CFAP46: variants seen among roughly 807,000 people sequenced by gnomAD.
CFAP46 encodes cilia- and flagella-associated protein 46.
A neutral mutation model predicts 325.7 loss-of-function variants in CFAP46; 245 were observed. The observed-to-expected ratio is 0.75, with a 90% CI of 0.68 to 0.84. The LOEUF is 0.84. CFAP46 is among the 40% of genes least tolerant of loss of function. The probability of loss-of-function intolerance (pLI) is 0.00; values close to 1 mark genes in which losing one functional copy is unlikely to be tolerated. For synonymous variants in CFAP46, 1,523 were observed against 1,495.9 expected (o/e 1.02, Z -0.42); for missense variants, 3,346 against 3,543.0 (o/e 0.94, Z 1.41).
At position 132,832,457 on chromosome 10, in the gene CFAP46, G is replaced by A. The variant is rs1848165892; in HGVS notation, c.7117+901C>T. ...AAGACCTGGGTGGGCCATGGCGCTC[G>A]CCAGCCAAACCCCCTTCGAGGCCCC... On this transcript the variant is annotated intron_variant, in intron 50 of 57. Coordinates refer to ENST00000368586, the MANE Select transcript of CFAP46 (RefSeq NM_001200049.3). This position sits in a 1 kb window ranked among gnomAD's most constrained non-coding sequence, Gnocchi z 4.1. Among the ~76,000 whole-genome samples the A allele has an allele frequency of 5.4e-5, 8 of 147,328 alleles. No individual in the cohort carries two copies. Among genetic ancestry groups the A allele is most frequent in the Admixed American group, 4.2e-4 (6 of 14,352 alleles).
At chr10:132,881,816 T>C (rs1376070800) in intron 27 of CFAP46, among the ~76,000 whole-genome samples, 1 of 148,056 alleles carries the variant, frequency 6.8e-6, no homozygotes, top group African/African-American at 2.7e-5. Context: ...TCATTTCTGC[T>C]GTCAAATATC....
intron 43 of CFAP46, 62 bp from the exon 44 acceptor site, chr10:132,846,289 C>T: frequency 1.3e-6 from 2 of 1,555,652 alleles, no homozygotes; most frequent in East Asian, 2.3e-5. Flanking sequence ...GCCTTGCACC[C>T]TGCGGAGGGT....
chr10:132,836,939 G>C, intron 44 of CFAP46, 25 bp from the exon 45 acceptor site: 1 of 1,559,160 alleles, frequency 6.4e-7, no homozygotes, highest in Non-Finnish European at 8.8e-7. Flanking sequence ...ACGGCCATCA[G>C]GGGATGCATT....
chr10:132,936,428 A>C (rs1179234454), intron 7 of CFAP46, among the ~76,000 whole-genome samples: 1 of 50,504 alleles, frequency 2.0e-5, no homozygotes, highest in African/African-American at 8.1e-5. Context: ...TGATCTCCTC[A>C]CTCCCCTCGG....
Position 132,851,263 on chromosome 10 carries a change from G to A in CFAP46, c.5617C>T (p.Leu1873Phe), listed in dbSNP as rs754271286. The part of the protein sequence containing the change: ...NTPLMRKLAR[L>F]KLGLVEMALD... The stretch of plus-strand genomic sequence containing the variant: ...GCCATTTCCACGAGGCCGAGCTTGA[G>A]GCGCGCCAGCTTCCTCATCAGGGGC... The change falls in exon 40 of 58, where the codon CTC (leucine) becomes TTC (phenylalanine). Residue 1873 changes from leucine (L) to phenylalanine (F), a missense_variant. Coordinates refer to ENST00000368586, the MANE Select transcript of CFAP46 (RefSeq NM_001200049.3). 9.3e-6 allele frequency: 15 copies of A among 1,614,056 alleles called. No homozygotes were observed. The highest frequency in any genetic ancestry group is 1.3e-5 in the Non-Finnish European group (15 of 1,180,042).
chr10:132,903,676 C>T (rs1283694495), intron 22 of CFAP46, among the ~76,000 whole-genome samples: 6 of 152,090 alleles, frequency 3.9e-5, no homozygotes, highest in Admixed American at 1.3e-4. Context: ...CACAAGAGTA[C>T]GATACCCATT....
At chr10:132,896,007 GCT>G (rs1254683468) in intron 24 of CFAP46, among the ~76,000 whole-genome samples, 5 of 77,352 alleles carry the variant, frequency 6.5e-5, no homozygotes, top group African/African-American at 2.5e-4. Flanking sequence ...AGGCAGCCAG[GCT>G]CTGTGTGCCA....
chr10:132,841,368 C>T (rs1848343365), intron 44 of CFAP46, among the ~76,000 whole-genome samples: 1 of 152,258 alleles, frequency 6.6e-6, no homozygotes, highest in South Asian at 2.1e-4. Flanking sequence ...GGAATGGTCT[C>T]TTCCGACAGC....
rs552595383 is a variant in CFAP46, at chr10:132,837,047, G to A, written c.6439-133C>T. On this transcript the variant is annotated intron_variant, in intron 44 of 57. Coordinates refer to ENST00000368586, the MANE Select transcript of CFAP46 (RefSeq NM_001200049.3). ...TTTGTACCCTTCCTGCCCGAGGCTGGGCCCTTGGGGTGGGGGGCCCTGCTG... is the reference window on the plus strand; with the variant it reads ...TTTGTACCCTTCCTGCCCGAGGCTGAGCCCTTGGGGTGGGGGGCCCTGCTG... 7.8e-4 allele frequency: 521 copies of A among 671,368 alleles called. 1 individual carries two copies. The highest frequency in any genetic ancestry group is 1.0e-3 in the Non-Finnish European group (407 of 393,332). 41.6% of individuals were successfully genotyped at this position (671,368 alleles called of 1,614,324 possible).
chr10:132,835,175 G>T, intron 47 of CFAP46, 129 bp downstream of exon 47: 1 of 1,292,346 alleles, frequency 7.7e-7, no homozygotes, highest in Non-Finnish European at 1.0e-6. Flanking sequence ...CCGGGTGTTG[G>T]GATGGCCCAA....
At position 132,867,766 on chromosome 10, in the gene CFAP46, G is replaced by A. The variant is rs1325388138; in HGVS notation, c.4611-259C>T. 4.6e-5 allele frequency among the ~76,000 whole-genome samples: 7 copies of A among 152,136 alleles called. No homozygotes were observed. In the East Asian group the frequency reaches 5.8e-4, roughly 13 times the overall value. ...CCAGGGGTGTTTAATGAGCATCTCC[G>A]ACTCCATCTCTCCGGCGTGCCCAGC... On this transcript the variant is annotated intron_variant, in intron 33 of 57. Coordinates refer to ENST00000368586, the MANE Select transcript of CFAP46 (RefSeq NM_001200049.3).
At chr10:132,818,586 T>C (rs565955859) in intron 50 of CFAP46, among the ~76,000 whole-genome samples, 3 of 151,952 alleles carry the variant, frequency 2.0e-5, no homozygotes, top group Admixed American at 2.0e-4. Flanking sequence ...GGTGCGGTGG[T>C]TCATGCCTGT....
chr10:132,828,844 G>A lies in CFAP46; in HGVS notation c.7117+4514C>T, dbSNP rs530051681. 6.6e-5 allele frequency among the ~76,000 whole-genome samples: 10 copies of A among 152,134 alleles called. No homozygotes were observed. The highest frequency in any genetic ancestry group is 3.9e-4 in the East Asian group (2 of 5,176). ...CCACTCATGGAGATGCCCTTCCTCC[G>A]CTCAGCGTCCTCGTCCCTTTGCCAG... On this transcript the variant is annotated intron_variant, in intron 50 of 57. Transcript: ENST00000368586. This position sits in a 1 kb window ranked among gnomAD's most constrained non-coding sequence, Gnocchi z 4.9.
chr10:132,858,370 C>G (rs12250567), intron 38 of CFAP46, among the ~76,000 whole-genome samples: 3 of 67,740 alleles, frequency 4.4e-5, no homozygotes, highest in African/African-American at 3.5e-4. Context: ...GTGGGCGGGG[C>G]CAGGGAGGCT....
chr10:132,930,654 C>A (rs1849883323), intron 8 of CFAP46, among the ~76,000 whole-genome samples: 1 of 111,914 alleles, frequency 8.9e-6, no homozygotes, highest in Non-Finnish European at 1.8e-5. Flanking sequence ...CCTGGGCCTC[C>A]CCACACTCCC....
At chr10:132,870,993 A>G (rs550025461) in intron 32 of CFAP46, among the ~76,000 whole-genome samples, 5 of 152,234 alleles carry the variant, frequency 3.3e-5, no homozygotes, top group Non-Finnish European at 7.3e-5. Flanking sequence ...GCTAGGGGCT[A>G]ACGCAGCCGG....
intron 50 of CFAP46, among the ~76,000 whole-genome samples, chr10:132,821,953 G>GA (rs1847850137): frequency 7.7e-6 from 1 of 130,218 alleles, no homozygotes; most frequent in Non-Finnish European, 1.6e-5. Context: ...GTGTGCGCTT[G>GA]TGTGTGCTGT....
At chr10:132,882,075 G>A (rs1849053519) in intron 27 of CFAP46, among the ~76,000 whole-genome samples, 1 of 151,332 alleles carries the variant, frequency 6.6e-6, no homozygotes. Flanking sequence ...TGGGATGTGG[G>A]GTGTGAGTGG....
intron 17 of CFAP46, 89 bp from the exon 18 acceptor site, chr10:132,913,347 AGGC>A: frequency 2.0e-6 from 1 of 488,898 alleles, no homozygotes; most frequent in Non-Finnish European, 3.7e-6. Context: ...GTTAGGAACC[AGGC>A]TGCAGGGCAA....
Sources: gnomAD v4.1 joint callset for allele counts (sites outside exome capture counted in the v4.1 genomes callset) on GRCh38, gnomAD v4.1.1 for gene constraint, Gnocchi (gnomAD v3.1) non-coding constraint, MANE v1.5 for transcripts, NCBI Gene and HGNC (gene_info 2026-07-23, HGNC 2026-07-21) for gene names.